The following RPF1 variants were observed in gnomAD, a reference collection of about 807,000 sequenced individuals.
RPF1 encodes ribosome production factor 1 homolog.
In RPF1, 34 loss-of-function variants were observed where a neutral mutation model predicts 41.9. The observed-to-expected ratio is 0.81, with a 90% CI of 0.62 to 1.08. The LOEUF (loss-of-function observed/expected upper bound fraction) is 1.08, where lower values mean the gene tolerates loss of function less well. RPF1 is among the 50% of genes least tolerant of loss of function. RPF1 has a pLI of 0.00. For missense variants in RPF1, 425 were observed against 435.2 expected (o/e 0.98, Z 0.21); for synonymous variants, 140 against 148.9 (o/e 0.94, Z 0.43).
rs764897522 is a variant in RPF1, at chr1:84,479,443, T to G, written c.162T>G (p.Ile54Met). 5 of 1,614,192 alleles carry G rather than the reference T, an allele frequency of 3.1e-6. No individual in the cohort carries two copies. The highest frequency in any genetic ancestry group is 4.2e-6 in the Non-Finnish European group (5 of 1,180,024). The change falls in exon 1 of 9, where the codon ATT becomes ATG. Residue 54 changes from isoleucine to methionine, a missense_variant. Transcript: ENST00000370654. Reference protein sequence around the residue: ...KAAAFPPGFSISEIKNKQRRH... With the variant: ...KAAAFPPGFSMSEIKNKQRRH... The stretch of plus-strand genomic sequence containing the variant: ...CTGCCTTTCCGCCAGGCTTTAGCAT[T>G]TCGGAGATTAAAAACAAACAGCGGC...
Position 84,486,587 on chromosome 1 carries a change from C to CAAA in RPF1, c.367-3026_367-3024dup, listed in dbSNP as rs896267195. On this transcript the variant is annotated intron_variant, in intron 3 of 8. Coordinates refer to ENST00000370654, the MANE Select transcript of RPF1 (RefSeq NM_025065.7). ...TGGGCGACAGAGCGAGACTCCGTCTCAAAAAAAAAAAAAAAAAAAAAAGAA... is the reference window on the plus strand; with the variant it reads ...TGGGCGACAGAGCGAGACTCCGTCTCAAAAAAAAAAAAAAAAAAAAAAAAAGAA... Among the ~76,000 whole-genome samples the CAAA allele has an allele frequency of 7.6e-3, 486 of 64,030 alleles. 22 individuals are homozygous for CAAA. The highest frequency in any genetic ancestry group is 9.0e-3 in the African/African-American group (158 of 17,590). The allele number at this position is 64,030 out of a possible 152,430, so 42.0% of individuals were successfully genotyped here. A position where few individuals can be genotyped will look rare whatever the true frequency, so the allele number is the denominator to read the frequency against.
At chr1:84,481,354 C>CT (rs561580221) in intron 2 of RPF1, among the ~76,000 whole-genome samples, 1 of 152,098 alleles carries the variant, frequency 6.6e-6, no homozygotes, top group South Asian at 2.1e-4. Context: ...TTGCATATAA[C>CT]TTTGTGTTTC....
At chr1:84,485,945 C>T (rs774021420) in intron 3 of RPF1, among the ~76,000 whole-genome samples, 25 of 152,064 alleles carry the variant, frequency 1.6e-4, no homozygotes, top group Non-Finnish European at 2.9e-4. Flanking sequence ...GCCCATTTGT[C>T]TACTGGGTAG....
At chr1:84,491,502 C>A (rs1012857311) in intron 5 of RPF1, among the ~76,000 whole-genome samples, 1 of 152,102 alleles carries the variant, frequency 6.6e-6, no homozygotes, top group Non-Finnish European at 1.5e-5. Context: ...TAGTAGCTTT[C>A]CAGAAACTAC....
In RPF1 at chr1:84,495,958, T is replaced by C. The variant is rs1383845315; in HGVS notation, c.776T>C (p.Ile259Thr). The change falls in exon 7 of 9, where the codon ATT (isoleucine) becomes ACT (threonine). Residue 259 changes from isoleucine to threonine, a missense_variant. Coordinates refer to ENST00000370654, the MANE Select transcript of RPF1 (RefSeq NM_025065.7). ...NNFTTRLGHS[I>T]GRMFASLFPH... ...TTTACAACACGGCTGGGTCATTCAA[T>C]TGGACGTATGTTTGCATCTCTCTTT... 1.2e-6 allele frequency: 2 copies of C among 1,610,822 alleles called. No individual in the cohort carries two copies. Among genetic ancestry groups the C allele is most frequent in the Non-Finnish European group, 1.7e-6 (2 of 1,177,130 alleles).
intron 2 of RPF1, among the ~76,000 whole-genome samples, chr1:84,482,133 A>G (rs1245394671): frequency 6.6e-6 from 1 of 152,216 alleles, no homozygotes; most frequent in Non-Finnish European, 1.5e-5. Flanking sequence ...TTAAAATGTA[A>G]TATTTGTTTC....
At chr1:84,496,108 A>G in intron 7 of RPF1, 45 bp downstream of exon 7, 2 of 1,499,378 alleles carry the variant, frequency 1.3e-6, no homozygotes, top group Non-Finnish European at 1.8e-6. Context: ...ATTATGAAAT[A>G]TATTTTCAAC....
intron 2 of RPF1, among the ~76,000 whole-genome samples, chr1:84,481,465 C>T (rs1004339780): frequency 6.6e-6 from 1 of 152,116 alleles, no homozygotes; most frequent in African/African-American, 2.4e-5. Context: ...TTTGGTCAGG[C>T]AAGGCTGGGG....
intron 6 of RPF1, 28 bp downstream of exon 6, chr1:84,495,483 C>A: frequency 1.1e-6 from 1 of 917,074 alleles, no homozygotes; most frequent in Non-Finnish European, 1.7e-6. Flanking sequence ...CTTTGATTGG[C>A]ATTGATCTCT....
chr1:84,494,881 A>T (rs919194957), intron 5 of RPF1, among the ~76,000 whole-genome samples: 5 of 152,188 alleles, frequency 3.3e-5, no homozygotes, highest in African/African-American at 1.2e-4. Flanking sequence ...TTCATAGAGG[A>T]AAGTTTAGGA....
chr1:84,496,931 G>T (rs1681950435), intron 8 of RPF1, among the ~76,000 whole-genome samples: 1 of 152,000 alleles, frequency 6.6e-6, no homozygotes, highest in Non-Finnish European at 1.5e-5. Flanking sequence ...GAGTGCAGGG[G>T]CGCCATCTCG....
At chr1:84,488,889 G>A (rs1196770516) in intron 3 of RPF1, among the ~76,000 whole-genome samples, 3 of 152,124 alleles carry the variant, frequency 2.0e-5, no homozygotes, top group East Asian at 1.9e-4. Context: ...AATTATATCT[G>A]TGTTCATGAG....
chr1:84,486,786 T>C (rs1248861357), intron 3 of RPF1, among the ~76,000 whole-genome samples: 2 of 152,064 alleles, frequency 1.3e-5, no homozygotes, highest in Non-Finnish European at 2.9e-5. Context: ...TGAGAATTGA[T>C]CTGATTCTAA....
intron 8 of RPF1, 46 bp downstream of exon 8, chr1:84,496,416 G>A: frequency 6.6e-7 from 1 of 1,522,270 alleles, no homozygotes. Context: ...TTAAAGTATG[G>A]GATAAGAGGG....
At chr1:84,493,821 A>T (rs565566352) in intron 5 of RPF1, among the ~76,000 whole-genome samples, 1 of 152,328 alleles carries the variant, frequency 6.6e-6, no homozygotes, top group East Asian at 1.9e-4. Flanking sequence ...GCATGCTAGG[A>T]TTCACATATA....
chr1:84,496,957 C>T (rs1043530221), intron 8 of RPF1, among the ~76,000 whole-genome samples: 2 of 151,916 alleles, frequency 1.3e-5, no homozygotes, highest in East Asian at 1.9e-4. Context: ...CTGCAACCTC[C>T]ACCTCCCGGG....
intron 3 of RPF1, among the ~76,000 whole-genome samples, chr1:84,485,088 A>G (rs1433581986): frequency 6.6e-6 from 1 of 151,782 alleles, no homozygotes; most frequent in Non-Finnish European, 1.5e-5. Flanking sequence ...TATACATCTT[A>G]TACACATAGC....
In RPF1 at chr1:84,496,383, T is replaced by G; in HGVS notation, c.1008+13T>G. 1 of 1,582,690 alleles carries G rather than the reference T, an allele frequency of 6.3e-7. No individual in the cohort carries two copies. Among genetic ancestry groups the G allele is most frequent in the South Asian group, 1.2e-5 (1 of 86,234 alleles). On this transcript the variant is annotated intron_variant, in intron 8 of 8. Transcript: ENST00000370654. The stretch of plus-strand genomic sequence containing the variant: ...ATGGGTCCATAAGGTATGTGCTTAT[T>G]GTTTAAAAAGACTAAGTCATTTTTA...
rs753535525 is a variant in RPF1 at position 84,495,414 on chromosome 1, C to A, written c.658C>A (p.His220Asn). 8 of 1,540,188 alleles carry A rather than the reference C, an allele frequency of 5.2e-6. No homozygotes were observed. The highest frequency in any genetic ancestry group is 6.2e-6 in the Non-Finnish European group (7 of 1,128,644). Residue 220 changes from histidine to asparagine, a missense_variant, in exon 6 of 9, where the codon CAT becomes AAT. Transcript: ENST00000370654. ...LSHLPNGPTA[H>N]FKMSSVRLRK... is the part of the protein sequence containing the mutation. The stretch of plus-strand genomic sequence containing the variant: ...TCACTTGCCAAATGGCCCAACTGCT[C>A]ATTTTAAAATGAGCAGTGTTCGTCT...
Sources: allele counts gnomAD v4.1 joint callset (sites outside exome capture counted in the v4.1 genomes callset), GRCh38; gene constraint gnomAD v4.1.1; transcripts MANE v1.5; gene names NCBI Gene and HGNC (gene_info 2026-07-23, HGNC 2026-07-21).